Variants in SLC28A1 observed in about 807,000 individuals in gnomAD.
The protein encoded by SLC28A1 is sodium/nucleoside cotransporter 1.
Under a neutral mutation model 74.8 loss-of-function variants are expected in SLC28A1, and 64 were observed. That is an observed-to-expected ratio of 0.86 (90% confidence interval 0.70 to 1.05). The LOEUF is 1.05. Among genes scored for constraint, SLC28A1 ranks in the 50% least tolerant of loss-of-function variants. The pLI, the probability that SLC28A1 is intolerant of heterozygous loss-of-function variation, is 0.00. For missense variants in SLC28A1, 828 were observed against 822.8 expected (o/e 1.01, Z -0.08); for synonymous variants, 359 against 335.0 (o/e 1.07, Z -0.78).
At chr15:84,898,250 A>G (rs12898884) in intron 6 of SLC28A1, among the ~76,000 whole-genome samples, 15,768 of 152,038 alleles carry the variant, frequency 0.1, 1,077 homozygotes, top group Non-Finnish European at 0.13. Flanking sequence ...AAATTGTATG[A>G]CATGTAAATT....
At chr15:84,893,034 C>G (rs527677532) in intron 5 of SLC28A1, among the ~76,000 whole-genome samples, 2 of 152,282 alleles carry the variant, frequency 1.3e-5, no homozygotes, top group African/African-American at 4.8e-5. Flanking sequence ...TCCACACTGC[C>G]CCCTCTCCCT....
intron 11 of SLC28A1, among the ~76,000 whole-genome samples, chr15:84,923,742 T>C (rs1970143814): frequency 6.6e-6 from 1 of 152,024 alleles, no homozygotes. Context: ...GCGGGGTGCC[T>C]GGCACGTGGC....
intron 4 of SLC28A1, among the ~76,000 whole-genome samples, chr15:84,889,372 G>A (rs1596190675): frequency 6.6e-6 from 1 of 152,180 alleles, no homozygotes; most frequent in Non-Finnish European, 1.5e-5. Flanking sequence ...GGCCAGATCC[G>A]GAGCTGAGGA....
chr15:84,935,081 G>A lies in SLC28A1; in HGVS notation c.1270G>A (p.Val424Met). Residue 424 changes from valine to methionine, a missense_variant, in exon 14 of 19, where the codon GTG becomes ATG. By Grantham distance (21) the Val-to-Met change is conservative. Coordinates refer to ENST00000394573, the MANE Select transcript of SLC28A1 (RefSeq NM_004213.5). The stretch of plus-strand genomic sequence containing the variant: ...CACTGGGGCCGCCATCTCCGTGAAG[G>A]TGGTCGCCAACATCGCTGCCAACCT... ...ASTGAAISVK[V>M]VANIAANLIA... 1 of 1,614,044 alleles carries A rather than the reference G, an allele frequency of 6.2e-7. No homozygotes were observed. Among genetic ancestry groups the A allele is most frequent in the Non-Finnish European group, 8.5e-7 (1 of 1,179,910 alleles).
the SLC28A1 span, among the ~76,000 whole-genome samples, chr15:84,958,226 T>A: frequency 6.6e-6 from 1 of 152,204 alleles, no homozygotes; most frequent in Non-Finnish European, 1.5e-5. Flanking sequence ...CTATATCTGA[T>A]TCCCTCTTTT....
chr15:84,888,962 G>A (rs566305960), intron 4 of SLC28A1, 102 bp downstream of exon 4: 73 of 819,880 alleles, frequency 8.9e-5, no homozygotes, highest in Non-Finnish European at 1.4e-4. Flanking sequence ...GGGGGGACGT[G>A]AACCTTTGTT....
chr15:84,919,164 A>G (rs993967951), intron 10 of SLC28A1, among the ~76,000 whole-genome samples: 11 of 152,210 alleles, frequency 7.2e-5, no homozygotes, highest in African/African-American at 2.7e-4. Flanking sequence ...CCGAAAAGAT[A>G]TTGAGAGACT....
chr15:84,930,338 C>G (rs1004673180), intron 12 of SLC28A1, among the ~76,000 whole-genome samples: 1 of 152,224 alleles, frequency 6.6e-6, no homozygotes, highest in African/African-American at 2.4e-5. Flanking sequence ...AGGACACCTG[C>G]CCCAAGTGGG....
chr15:84,928,338 C>T (rs1970739779), intron 12 of SLC28A1, among the ~76,000 whole-genome samples: 1 of 151,856 alleles, frequency 6.6e-6, no homozygotes, highest in Admixed American at 6.6e-5. Flanking sequence ...TGGGTCTGCC[C>T]CAGTCTTTTC....
Position 84,895,000 on chromosome 15 carries a change from T to C in SLC28A1, c.338T>C (p.Phe113Ser), listed in dbSNP as rs528710174. The change falls in exon 6 of 19, where the codon TTT becomes TCT. Residue 113 changes from phenylalanine to serine, a missense_variant. By Grantham distance (155) the Phe-to-Ser change is radical (BLOSUM62 -2). This residue lies in a region of SLC28A1 where 767 missense variants were observed against 753.5 expected (regional missense o/e 1.02). Transcript: ENST00000394573. ...LLDFQRALAL[F>S]VLTCVVLTFL... ...GATTTCCAGAGGGCCCTGGCTCTGT[T>C]TGTCCTCACCTGTGTGGTCCTCACC... The C allele has an allele frequency of 6.2e-7, 1 of 1,614,212 alleles. No individual in the cohort carries two copies. The highest frequency in any genetic ancestry group is 2.2e-5 in the East Asian group (1 of 44,878).
the SLC28A1 span, among the ~76,000 whole-genome samples, chr15:84,966,130 T>C: frequency 6.6e-6 from 1 of 152,200 alleles, no homozygotes; most frequent in Non-Finnish European, 1.5e-5. Context: ...CACACTGAAG[T>C]GCAGTGGTGC....
the SLC28A1 span, among the ~76,000 whole-genome samples, chr15:84,963,181 A>T: frequency 3.3e-5 from 5 of 152,288 alleles, no homozygotes; most frequent in African/African-American, 1.2e-4. Flanking sequence ...ATTAGAAAAA[A>T]TCAAGAAACA....
the SLC28A1 span, among the ~76,000 whole-genome samples, chr15:84,969,376 G>T: frequency 6.6e-6 from 1 of 152,172 alleles, no homozygotes; most frequent in Non-Finnish European, 1.5e-5. Context: ...AAGCCTTCAC[G>T]CTGAAGAAGG....
chr15:84,891,802 C>T (rs1054881314), intron 5 of SLC28A1, among the ~76,000 whole-genome samples: 19 of 151,898 alleles, frequency 1.3e-4, no homozygotes, highest in African/African-American at 3.1e-4. Context: ...TGAGATCAGG[C>T]GGGGAGGCTG....
chr15:84,965,758 C>T, the SLC28A1 span, among the ~76,000 whole-genome samples: 502 of 152,210 alleles, frequency 3.3e-3, 2 homozygotes, highest in African/African-American at 0.011. Flanking sequence ...CTGGGCAAGC[C>T]AGGATAGTTG....
intron 9 of SLC28A1, among the ~76,000 whole-genome samples, chr15:84,914,310 G>A (rs1273122505): frequency 1.3e-5 from 2 of 152,050 alleles, no homozygotes; most frequent in Non-Finnish European, 2.9e-5. Context: ...ACCCCCAAAG[G>A]CTCCACCTCC....
chr15:84,889,742 TTCCTTCCTTCCTTCCTTCCTTC>T lies in SLC28A1; in HGVS notation c.186-700_186-679del, dbSNP rs1178146752. ...CTTCCTTCCTTCCTTCCTTCCTTCC[TTCCTTCCTTCCTTCCTTCCTTC>T]CTTTTCTTTCTCTCTTCCTTCCTTC... On this transcript the variant is annotated intron_variant, in intron 4 of 18. Coordinates refer to ENST00000394573, the MANE Select transcript of SLC28A1 (RefSeq NM_004213.5). 2.2e-3 allele frequency among the ~76,000 whole-genome samples: 227 copies of T among 101,572 alleles called. 1 individual carries two copies. The highest frequency in any genetic ancestry group is 3.7e-3 in the African/African-American group (93 of 25,272). The allele number at this position is 101,572 out of a possible 152,430, so 66.6% of individuals were successfully genotyped here. A position where few individuals can be genotyped will look rare whatever the true frequency, so the allele number is the denominator to read the frequency against.
At chr15:84,941,742 C>G (rs1972740087) in intron 15 of SLC28A1, among the ~76,000 whole-genome samples, 1 of 151,922 alleles carries the variant, frequency 6.6e-6, no homozygotes, top group Non-Finnish European at 1.5e-5. Context: ...TGTGGTAACA[C>G]ACACCTGTAA....
At chr15:84,890,014 T>C (rs1965181012) in intron 4 of SLC28A1, among the ~76,000 whole-genome samples, 1 of 152,054 alleles carries the variant, frequency 6.6e-6, no homozygotes, top group Non-Finnish European at 1.5e-5. Context: ...TTTTGTGTTT[T>C]TGGTAGAGAA....
Sources: gnomAD v4.1 joint callset for allele counts (sites outside exome capture counted in the v4.1 genomes callset) on GRCh38, gnomAD v4.1.1 for gene constraint, gnomAD v4.1.1 regional missense constraint, MANE v1.5 for transcripts, NCBI Gene and HGNC (gene_info 2026-07-23, HGNC 2026-07-21) for gene names.